Variants in SH3BP2 observed in about 807,000 individuals in gnomAD.
SH3BP2 encodes the protein SH3 domain binding protein 2, also known as SH3 domain-binding protein 2.
In SH3BP2, 38 loss-of-function variants were observed where a neutral mutation model predicts 56.2. That is an observed-to-expected ratio of 0.68 (90% CI 0.52 to 0.89). The LOEUF is 0.89. Ranked by LOEUF, SH3BP2 falls within the 40% of genes least tolerant of loss-of-function variation. The pLI, the probability that SH3BP2 is intolerant of heterozygous loss-of-function variation, is 0.00. For synonymous variants in SH3BP2, 346 were observed against 316.7 expected, an observed-to-expected ratio of 1.09 and a Z score of -0.98; for missense variants, 748 against 762.6, an observed-to-expected ratio of 0.98 and a Z score of 0.23.
intron 1 of SH3BP2, chr4:2,818,629 G>T: frequency 1.3e-6 from 1 of 786,658 alleles, no homozygotes; most frequent in Non-Finnish European, 1.6e-6. Flanking sequence ...TGGGCACGGG[G>T]CTCCCTCCTC....
chr4:2,794,077 C>A, intron 1 of SH3BP2: 1 of 152,464 alleles, frequency 6.6e-6, no homozygotes, highest in Non-Finnish European at 1.5e-5. Context: ...TTAAGTCCTT[C>A]GAATTGGCTG....
intron 1 of SH3BP2, chr4:2,809,934 G>A: frequency 1.9e-6 from 1 of 521,378 alleles, no homozygotes; most frequent in Non-Finnish European, 2.5e-6. Context: ...GATGGAGAGG[G>A]ACACCAGGGC....
intron 2 of SH3BP2, among the ~76,000 whole-genome samples, chr4:2,821,129 G>A (rs977913980): frequency 1.3e-5 from 2 of 152,196 alleles, no homozygotes; most frequent in Admixed American, 6.5e-5. Context: ...TCCTGGCTGG[G>A]TGCTGGACCT....
chr4:2,832,931 C>T, intron 11 of SH3BP2, 59 bp from the exon 12 acceptor site: 1 of 1,559,430 alleles, frequency 6.4e-7, no homozygotes, highest in Non-Finnish European at 8.8e-7. Context: ...CCCATGGTCT[C>T]CCGAGGCTGG....
intron 1 of SH3BP2, among the ~76,000 whole-genome samples, chr4:2,804,682 G>A (rs904074177): frequency 2.6e-5 from 4 of 152,216 alleles, no homozygotes; most frequent in Admixed American, 2.6e-4. Flanking sequence ...CCTTAAGGTT[G>A]GTGGGCTTCC....
chr4:2,829,673 G>A lies in SH3BP2; in HGVS notation c.767G>A (p.Arg256Lys). 6.2e-7 allele frequency: 1 copy of A among 1,613,140 alleles called. No individual in the cohort carries two copies. Among genetic ancestry groups the A allele is most frequent in the Non-Finnish European group, 8.5e-7 (1 of 1,179,894 alleles). ...GGCCTGGCTGCTGAGGACTCCAAGAGGGACCCACTGTGCCCGAGGCGGGCT... is the reference window on the plus strand; with the variant it reads ...GGCCTGGCTGCTGAGGACTCCAAGAAGGACCCACTGTGCCCGAGGCGGGCT... ...DVGLAAEDSKRDPLCPRRAEP... is the reference protein window; with the variant it reads ...DVGLAAEDSKKDPLCPRRAEP... The change falls in exon 8 of 13, where the codon AGG becomes AAG. Residue 256 changes from arginine (R) to lysine (K), a missense_variant. By Grantham distance (26) the Arg-to-Lys change is conservative. Transcript: ENST00000503393. The surrounding 1 kb of genome is among the most constrained non-coding windows in gnomAD (Gnocchi z 4.9).
chr4:2,798,918 G>A, intron 1 of SH3BP2: 1 of 895,222 alleles, frequency 1.1e-6, no homozygotes, highest in Non-Finnish European at 1.3e-6. Context: ...AGCCTCATGG[G>A]ATGCGTGAGG....
At chr4:2,800,721 C>T (rs1374488065) in intron 1 of SH3BP2, among the ~76,000 whole-genome samples, 2 of 152,120 alleles carry the variant, frequency 1.3e-5, no homozygotes, top group African/African-American at 2.4e-5. Flanking sequence ...CTAACTAGAG[C>T]CATTCACCCC....
rs955972362 is a variant in SH3BP2 at position 2,837,058 on chromosome 4, T to C, written c.*3224T>C. 5.3e-5 allele frequency: 8 copies of C among 152,198 alleles called. No individual in the cohort carries two copies. Among genetic ancestry groups the C allele is most frequent in the African/African-American group, 1.9e-4 (8 of 41,442 alleles). The allele number at this position is 152,198 out of a possible 1,614,324, so 9.4% of individuals were successfully genotyped here. On this transcript the variant is annotated 3_prime_UTR_variant, in exon 13 of 13. Coordinates refer to ENST00000503393, the MANE Select transcript of SH3BP2 (RefSeq NM_001122681.2). ...GTATTGTGAAAAGATTTTTTCTTTT[T>C]TTTTTGGGACACAGTCTCACTCTGT... is the stretch of plus-strand genomic sequence containing the variant.
intron 1 of SH3BP2, among the ~76,000 whole-genome samples, chr4:2,794,931 G>A (rs995966042): frequency 1.3e-5 from 2 of 152,170 alleles, no homozygotes; most frequent in African/African-American, 2.4e-5. Flanking sequence ...GGGGCAGGGA[G>A]GAAGGGCGCA....
At chr4:2,826,545 T>C in intron 5 of SH3BP2, 1 of 291,434 alleles carries the variant, frequency 3.4e-6, no homozygotes, top group South Asian at 3.0e-5. Flanking sequence ...TTGCTCTGTG[T>C]GTGTGTGTGT....
chr4:2,825,069 G>A, intron 4 of SH3BP2, 57 bp from the exon 5 acceptor site: 2 of 1,454,800 alleles, frequency 1.4e-6, no homozygotes, highest in South Asian at 1.2e-5. Flanking sequence ...AGGTGGAGGG[G>A]TGCGGTGGGG....
chr4:2,832,021 C>T (rs372692410), intron 10 of SH3BP2, 43 bp downstream of exon 10: 80 of 1,594,048 alleles, frequency 5.0e-5, no homozygotes, highest in Middle Eastern at 1.7e-4. Flanking sequence ...CCGCCATGCC[C>T]GGCTTCCTGC....
At chr4:2,818,512 C>A (rs886579545) in intron 1 of SH3BP2, 25 of 559,248 alleles carry the variant, frequency 4.5e-5, no homozygotes, top group Middle Eastern at 7.5e-4. Flanking sequence ...GTCGCCCACG[C>A]GCTTCTTGGG....
intron 7 of SH3BP2, among the ~76,000 whole-genome samples, chr4:2,828,135 C>T (rs1043994291): frequency 2.2e-4 from 33 of 152,084 alleles, no homozygotes; most frequent in Admixed American, 2.2e-3. Flanking sequence ...CAGGTGGTCA[C>T]ACGTGGATGA....
chr4:2,797,088 C>T (rs560760237), intron 1 of SH3BP2, among the ~76,000 whole-genome samples: 6 of 152,136 alleles, frequency 3.9e-5, no homozygotes, highest in South Asian at 2.1e-4. Context: ...CCTTCAGCCT[C>T]GATCCAGGGG....
At chr4:2,832,904 TG>T in intron 11 of SH3BP2, 85 bp from the exon 12 acceptor site, 4 of 1,368,044 alleles carry the variant, frequency 2.9e-6, no homozygotes, top group Non-Finnish European at 4.2e-6. Context: ...TTGATGGTTC[TG>T]CCCCCCTATC....
At chr4:2,796,681 A>T (rs1723073135) in intron 1 of SH3BP2, 1 of 153,776 alleles carries the variant, frequency 6.5e-6, no homozygotes, top group African/African-American at 2.4e-5. Context: ...CTTCCTTGTG[A>T]ATCAGATGTT....
At position 2,827,643 on chromosome 4, in the gene SH3BP2, G is replaced by A. The variant is rs370396181; in HGVS notation, c.555G>A (p.Glu185=). ...EHDDEDDSYL[E]PDSPEPGRLE... is the part of the protein sequence containing the mutation. ...ACGATGAGGATGACTCCTACCTGGA[G>A]CCTGACTCCCCGGAGCCCGGAAGGC... The change falls in exon 7 of 13, where the codon GAG becomes GAA. Residue 185 remains glutamate (E), a synonymous_variant. Transcript: ENST00000503393. The A allele has an allele frequency of 6.9e-6, 11 of 1,596,888 alleles. No individual in the cohort carries two copies. Among genetic ancestry groups the A allele is most frequent in the Non-Finnish European group, 3.4e-6 (4 of 1,171,602 alleles).
Sources: gnomAD v4.1 joint callset for allele counts (sites outside exome capture counted in the v4.1 genomes callset) on GRCh38, gnomAD v4.1.1 for gene constraint, Gnocchi (gnomAD v3.1) non-coding constraint, MANE v1.5 for transcripts, NCBI Gene and HGNC (gene_info 2026-07-23, HGNC 2026-07-21) for gene names.